Variants in FGF13 observed in about 807,000 individuals in gnomAD.
FGF13 encodes the protein fibroblast growth factor homologous factor 2.
Under a neutral mutation model 19.5 loss-of-function variants are expected in FGF13, and 2 were observed. The observed-to-expected ratio is 0.10, with a 90% CI of 0.04 to 0.32. The LOEUF is 0.32. FGF13 is among the 10% of genes least tolerant of loss of function. The pLI, the probability that FGF13 is intolerant of heterozygous loss-of-function variation, is 1.00. For synonymous variants in FGF13, 72 were observed against 76.9 expected, an observed-to-expected ratio of 0.94 and a Z score of 0.33; for missense variants, 113 against 192.7, an observed-to-expected ratio of 0.59 and a Z score of 2.45.
chrX:138,739,282 G>T lies in FGF13; in HGVS notation c.-13C>A, dbSNP rs1235261208. 4 of 1,196,504 alleles carry T rather than the reference G, an allele frequency of 3.3e-6. No homozygotes were observed. The Admixed American group carries it at 8.8e-5, about 26-fold the overall frequency. ...TTAACAAAGCCATGCTTCTTTATAA[G>T]CTGGTCCTACCCAGACAATTGCTGT... On this transcript the variant is annotated 5_prime_UTR_variant, in exon 1 of 5. Transcript: ENST00000305414.
chrX:139,070,223 C>T (rs1046156874), intron 1 of FGF13, among the ~76,000 whole-genome samples: 9 of 111,818 alleles, frequency 8.0e-5, no homozygotes, highest in Non-Finnish European at 1.7e-4. Context: ...AATTTGCAAT[C>T]TATCCATCTG....
chrX:138,651,948 A>G (rs2089379369), intron 3 of FGF13, among the ~76,000 whole-genome samples: 1 of 111,424 alleles, frequency 9.0e-6, no homozygotes, highest in African/African-American at 3.3e-5. Context: ...AATTTACAAT[A>G]TAAAGCAGAT....
intron 1 of FGF13, among the ~76,000 whole-genome samples, chrX:138,880,091 C>T (rs2091414859): frequency 2.7e-5 from 3 of 112,412 alleles, no homozygotes; most frequent in South Asian, 7.3e-4. Flanking sequence ...AGCTCATCAT[C>T]ACTGGTCATT....
At chrX:139,010,224 T>G (rs1203253084) in intron 1 of FGF13, among the ~76,000 whole-genome samples, 2 of 111,454 alleles carry the variant, frequency 1.8e-5, no homozygotes, top group Non-Finnish European at 1.9e-5. Flanking sequence ...AGTAATCCAC[T>G]GAGAGCACTA....
intron 1 of FGF13, among the ~76,000 whole-genome samples, chrX:138,882,641 G>A (rs1003665875): frequency 1.8e-5 from 2 of 111,640 alleles, no homozygotes; most frequent in Non-Finnish European, 3.8e-5. Context: ...TAAACTAGCT[G>A]TTAGCCTCAG....
intron 1 of FGF13, among the ~76,000 whole-genome samples, chrX:139,145,036 T>C (rs190088373): frequency 2.1e-4 from 24 of 111,721 alleles, no homozygotes; most frequent in Non-Finnish European, 4.3e-4. Context: ...CAACCAAAAA[T>C]GTAGGTCAAA....
chrX:139,025,229 G>C (rs774557225), intron 1 of FGF13, among the ~76,000 whole-genome samples: 2 of 111,675 alleles, frequency 1.8e-5, no homozygotes, highest in South Asian at 7.5e-4. Flanking sequence ...ATGCAAATCT[G>C]GAAGTTTGGC....
chrX:138,782,337 G>T (rs1336709711), intron 3 of FGF13, among the ~76,000 whole-genome samples: 1 of 111,607 alleles, frequency 9.0e-6, no homozygotes, highest in Non-Finnish European at 1.9e-5. Flanking sequence ...GGAAATAAAG[G>T]GTATTCAATT....
At chrX:139,147,990 T>C (rs1319084637) in intron 1 of FGF13, among the ~76,000 whole-genome samples, 1 of 111,426 alleles carries the variant, frequency 9.0e-6, no homozygotes, top group Non-Finnish European at 1.9e-5. Context: ...TTTTGGTGGA[T>C]GTATCACCAC....
chrX:138,943,131 G>A (rs1435671610), intron 1 of FGF13, among the ~76,000 whole-genome samples: 1 of 112,059 alleles, frequency 8.9e-6, no homozygotes, highest in Non-Finnish European at 1.9e-5. Context: ...AAATATGGAA[G>A]GGGACTGTTG....
rs756766094 is a variant in FGF13, at chrX:138,616,713, T to C, written c.*16137A>G. Reference sequence around the variant, plus strand: ...AGGTTCTCCCTGAGAGCTCTACCCCTGCAGCAGACTTCTGTCTGGACATCC... The same window carrying C: ...AGGTTCTCCCTGAGAGCTCTACCCCCGCAGCAGACTTCTGTCTGGACATCC... On this transcript the variant is annotated 3_prime_UTR_variant, in exon 5 of 5. Coordinates refer to ENST00000315930, the MANE Select transcript of FGF13 (RefSeq NM_004114.5). The C allele has an allele frequency of 8.9e-6, 1 of 112,632 alleles. No individual in the cohort carries two copies. The highest frequency in any genetic ancestry group is 1.9e-5 in the Non-Finnish European group (1 of 53,288). The allele number at this position is 112,632 out of a possible 1,213,427, so 9.3% of individuals were successfully genotyped here.
intron 1 of FGF13, among the ~76,000 whole-genome samples, chrX:138,887,754 T>C (rs1487993905): frequency 2.7e-5 from 3 of 112,159 alleles, no homozygotes; most frequent in African/African-American, 9.7e-5. Context: ...ATAGTTACCC[T>C]GCCTCCCTGT....
intron 1 of FGF13, among the ~76,000 whole-genome samples, chrX:139,197,771 C>T (rs2084384593): frequency 9.0e-6 from 1 of 110,648 alleles, no homozygotes; most frequent in Non-Finnish European, 1.9e-5. Flanking sequence ...GCGGGTGGAT[C>T]GTTTGAGGTC....
At chrX:138,943,126 T>C (rs1282383490) in intron 1 of FGF13, among the ~76,000 whole-genome samples, 1 of 112,119 alleles carries the variant, frequency 8.9e-6, no homozygotes, top group Non-Finnish European at 1.9e-5. Flanking sequence ...ATGGGAAATA[T>C]GGAAGGGGAC....
At chrX:138,849,841 T>A (rs2091210683) in intron 3 of FGF13, among the ~76,000 whole-genome samples, 1 of 111,871 alleles carries the variant, frequency 8.9e-6, no homozygotes, top group Non-Finnish European at 1.9e-5. Context: ...TATCTTTGAT[T>A]TTGACTTTTT....
In FGF13 at chrX:139,075,919, T is replaced by C. The variant is rs1333515230; in HGVS notation, c.-113+127497A>G. Among the ~76,000 whole-genome samples the C allele has an allele frequency of 1.6e-4, 2 of 12,888 alleles. 1 individual carries two copies. The highest frequency in any genetic ancestry group is 3.6e-3 in the East Asian group (2 of 551). 11.2% of individuals were successfully genotyped at this position (12,888 alleles called of 115,157 possible). A position where few individuals can be genotyped will look rare whatever the true frequency, so the allele number is the denominator to read the frequency against. ...CTGCAGTGGCGCAATCTCGGCTCAC[T>C]GCAAGCTCCGCTTCCCGGGTTCACG... On this transcript the variant is annotated intron_variant, in intron 1 of 2. Coordinates refer to the FGF13 transcript ENST00000421460.
intron 1 of FGF13, among the ~76,000 whole-genome samples, chrX:138,903,660 G>C (rs951111550): frequency 9.0e-6 from 1 of 111,489 alleles, no homozygotes; most frequent in African/African-American, 3.3e-5. Context: ...GCCTTCCCAG[G>C]CCTCTATGCC....
rs1486660605 is a variant in FGF13 at position 139,174,288 on chromosome X, G to A, written c.-113+29128C>T. On this transcript the variant is annotated intron_variant, in intron 1 of 2. Transcript: ENST00000421460. Reference sequence around the variant, plus strand: ...TGTAAATTTATTTAAGTTCCTTGTAGATTCTGGATGTTAGCTCTTTGTCAG... The same window carrying A: ...TGTAAATTTATTTAAGTTCCTTGTAAATTCTGGATGTTAGCTCTTTGTCAG... Among the ~76,000 whole-genome samples the A allele has an allele frequency of 3.3e-4, 37 of 112,151 alleles. 1 individual carries two copies. Among genetic ancestry groups the A allele is most frequent in the Non-Finnish European group, 3.8e-5 (2 of 53,272 alleles).
intron 3 of FGF13, among the ~76,000 whole-genome samples, chrX:138,679,722 T>C (rs1249670988): frequency 8.9e-6 from 1 of 112,130 alleles, no homozygotes; most frequent in African/African-American, 3.2e-5. Context: ...ATATCTTTAG[T>C]CCTACTTGAG....
Sources: gnomAD v4.1 joint callset for allele counts (sites outside exome capture counted in the v4.1 genomes callset) on GRCh38, gnomAD v4.1.1 for gene constraint, MANE v1.5 for transcripts, NCBI Gene and HGNC (gene_info 2026-07-23, HGNC 2026-07-21) for gene names.